Variants in PBX4 observed in about 807,000 individuals in gnomAD.
PBX4 encodes PBX homeobox 4.
PBX4 carries 26 observed loss-of-function variants against 35.1 expected under a neutral mutation model. The ratio of observed to expected loss-of-function variants is 0.74; its 90% CI spans 0.54 to 1.03. PBX4 has a LOEUF of 1.03. Ranked by LOEUF, PBX4 falls within the 50% of genes least tolerant of loss-of-function variation. The pLI is 0.00. For synonymous variants in PBX4, 199 were observed against 204.2 expected, an observed-to-expected ratio of 0.97 and a Z score of 0.22; for missense variants, 448 against 504.3, an observed-to-expected ratio of 0.89 and a Z score of 1.07.
At chr19:19,586,900 C>T (rs539149798) in intron 2 of PBX4, among the ~76,000 whole-genome samples, 1 of 151,896 alleles carries the variant, frequency 6.6e-6, no homozygotes, top group East Asian at 2.0e-4. Context: ...CACTGTACTC[C>T]AGCATGGGCG....
In PBX4 at chr19:19,588,493, G is replaced by A. The variant is rs562077219; in HGVS notation, c.193+10799C>T. ...AGGGTTTCACCATGTTGGCCAGGCT[G>A]GTCTCGAACTCCTGACCTCGTGATC... On this transcript the variant is annotated intron_variant, in intron 2 of 7. Coordinates refer to ENST00000251203, the MANE Select transcript of PBX4 (RefSeq NM_025245.3). 1.4e-3 allele frequency: 855 copies of A among 623,170 alleles called. 7 individuals are homozygous for A. Among genetic ancestry groups the A allele is most frequent in the Non-Finnish European group, 7.2e-4 (245 of 340,516 alleles). The allele number at this position is 623,170 out of a possible 1,614,324, so 38.6% of individuals were successfully genotyped here.
chr19:19,576,946 A>G lies in PBX4; in HGVS notation c.194-6113T>C, dbSNP rs534106285. 3.4e-3 allele frequency among the ~76,000 whole-genome samples: 523 copies of G among 152,244 alleles called. 3 individuals carry two copies. Among genetic ancestry groups the G allele is most frequent in the African/African-American group, 0.012 (518 of 41,532 alleles). On this transcript the variant is annotated intron_variant, in intron 2 of 7. Transcript: ENST00000251203. Reference sequence around the variant, plus strand: ...TTTAAAAAAATATACCAAAACCCACAGGACTTACTGTTCTCCAATTAAAAC... The same window carrying G: ...TTTAAAAAAATATACCAAAACCCACGGGACTTACTGTTCTCCAATTAAAAC...
chr19:19,595,840 C>A (rs1409580877), intron 2 of PBX4, among the ~76,000 whole-genome samples: 1 of 152,108 alleles, frequency 6.6e-6, no homozygotes, highest in Non-Finnish European at 1.5e-5. Flanking sequence ...AGCAAAAGTA[C>A]TGAGGACAAC....
chr19:19,564,564 AT>A (rs1391030964), intron 6 of PBX4, among the ~76,000 whole-genome samples: 1 of 151,532 alleles, frequency 6.6e-6, no homozygotes, highest in Admixed American at 6.6e-5. Context: ...TGCCGGGCTA[AT>A]TTTTTTTGTA....
chr19:19,578,558 C>T (rs776954270), intron 2 of PBX4, among the ~76,000 whole-genome samples: 3 of 152,220 alleles, frequency 2.0e-5, no homozygotes, highest in Non-Finnish European at 4.4e-5. Flanking sequence ...GGGATACCAT[C>T]TGTCGGAGGC....
At chr19:19,569,631 G>A (rs2061368123) in intron 4 of PBX4, 47 bp from the exon 5 acceptor site, 2 of 1,595,762 alleles carry the variant, frequency 1.3e-6, no homozygotes, top group Non-Finnish European at 1.7e-6. Flanking sequence ...TGGGACTCCA[G>A]TACCACCCCC....
intron 2 of PBX4, among the ~76,000 whole-genome samples, chr19:19,584,490 C>T (rs990758722): frequency 1.5e-4 from 23 of 152,096 alleles, no homozygotes; most frequent in African/African-American, 5.3e-4. Context: ...GAAGATGTGA[C>T]CCACTCACAG....
At chr19:19,569,423 C>T (rs201382821) in intron 5 of PBX4, 26 bp downstream of exon 5, 49 of 1,599,030 alleles carry the variant, frequency 3.1e-5, no homozygotes, top group East Asian at 2.0e-4. Flanking sequence ...CCAGGCGTGG[C>T]GAGACGTGGC....
At position 19,568,021 on chromosome 19, in the gene PBX4, A is replaced by T. The variant is rs553133719; in HGVS notation, c.768+1428T>A. On this transcript the variant is annotated intron_variant, in intron 5 of 7. Coordinates refer to ENST00000251203, the MANE Select transcript of PBX4 (RefSeq NM_025245.3). ...ACCTCAATCACCTCAGGGAACTCACACTCCATCTTTATCCCTCAGGGAGCT... is the reference window on the plus strand; with the variant it reads ...ACCTCAATCACCTCAGGGAACTCACTCTCCATCTTTATCCCTCAGGGAGCT... Among the ~76,000 whole-genome samples, 15 of 136,178 alleles carry T rather than the reference A, an allele frequency of 1.1e-4. No individual in the cohort carries two copies. In the South Asian group the frequency reaches 3.5e-3, roughly 32 times the overall value. 89.3% of individuals were successfully genotyped at this position (136,178 alleles called of 152,430 possible).
intron 2 of PBX4, among the ~76,000 whole-genome samples, chr19:19,573,532 CTT>C (rs1025406703): frequency 1.3e-5 from 2 of 152,128 alleles, no homozygotes; most frequent in African/African-American, 4.8e-5. Flanking sequence ...CATGCAGAGA[CTT>C]AACCACAAGT....
intron 2 of PBX4, among the ~76,000 whole-genome samples, chr19:19,585,119 T>C (rs989345325): frequency 6.6e-6 from 1 of 151,902 alleles, no homozygotes; most frequent in Non-Finnish European, 1.5e-5. Context: ...TTCTGTTCTC[T>C]GAGGCAGACC....
intron 1 of PBX4, among the ~76,000 whole-genome samples, chr19:19,609,581 T>G (rs1203050180): frequency 7.1e-6 from 1 of 141,390 alleles, no homozygotes; most frequent in Non-Finnish European, 1.5e-5. Flanking sequence ...CCAGGCGCAG[T>G]GATTCACGCC....
intron 2 of PBX4, among the ~76,000 whole-genome samples, chr19:19,580,444 G>A (rs929950557): frequency 2.0e-5 from 3 of 152,134 alleles, no homozygotes; most frequent in Non-Finnish European, 2.9e-5. Context: ...AGAAAGAACG[G>A]GGCCACTGGC....
At chr19:19,585,016 T>C (rs753445433) in intron 2 of PBX4, among the ~76,000 whole-genome samples, 2 of 152,172 alleles carry the variant, frequency 1.3e-5, no homozygotes, top group Non-Finnish European at 2.9e-5. Flanking sequence ...AGCCTGTTTG[T>C]ATTAAGAACT....
At position 19,594,740 on chromosome 19, in the gene PBX4, T is replaced by A. The variant is rs1256251941; in HGVS notation, c.193+4552A>T. Among the ~76,000 whole-genome samples, 7 of 152,154 alleles carry A rather than the reference T, an allele frequency of 4.6e-5. No individual in the cohort carries two copies. The East Asian group carries it at 1.4e-3, about 30-fold the overall frequency. ...AGTTGATTAAAGTACTTTTTTTTTT[T>A]AGACAGGGTCTCACTCTGTCACCCA... On this transcript the variant is annotated intron_variant, in intron 2 of 7. Transcript: ENST00000251203.
At chr19:19,611,073 C>A (rs2061660618) in intron 1 of PBX4, among the ~76,000 whole-genome samples, 1 of 152,130 alleles carries the variant, frequency 6.6e-6, no homozygotes, top group Non-Finnish European at 1.5e-5. Flanking sequence ...GCTGAATGCT[C>A]ACTGACATGC....
intron 2 of PBX4, among the ~76,000 whole-genome samples, chr19:19,585,222 G>A (rs2061481736): frequency 1.3e-5 from 2 of 151,954 alleles, no homozygotes; most frequent in African/African-American, 4.8e-5. Context: ...CTACTTGGGG[G>A]GCTGAGGCAG....
chr19:19,600,811 C>T lies in PBX4; in HGVS notation c.120-1446G>A, dbSNP rs550238443. Among the ~76,000 whole-genome samples, 15 of 99,808 alleles carry T rather than the reference C, an allele frequency of 1.5e-4. 2 individuals carry two copies. In the South Asian group the frequency reaches 6.3e-3, roughly 42 times the overall value. 65.5% of individuals were successfully genotyped at this position (99,808 alleles called of 152,430 possible). ...CAGCCTGGGCAACAGAGAGAGACTC[C>T]ATCTCAAAAAAAAAAAAAAAAAAGA... On this transcript the variant is annotated intron_variant, in intron 1 of 7. Transcript: ENST00000251203.
intron 4 of PBX4, 123 bp from the exon 5 acceptor site, chr19:19,569,707 C>T (rs2144710819): frequency 4.6e-6 from 6 of 1,308,786 alleles, no homozygotes; most frequent in South Asian, 3.1e-5. Context: ...GTCAGGAGTT[C>T]GAGACCAGCG....
Sources: gnomAD v4.1 joint callset for allele counts (sites outside exome capture counted in the v4.1 genomes callset) on GRCh38, gnomAD v4.1.1 for gene constraint, MANE v1.5 for transcripts, NCBI Gene and HGNC (gene_info 2026-07-23, HGNC 2026-07-21) for gene names.